Variants in REDIC1 observed in about 807,000 individuals in gnomAD.
REDIC1 encodes HEI10 Interacting Protein 1.
At chr12:39,772,673 T>A in the REDIC1 span, among the ~76,000 whole-genome samples, 16 of 152,268 alleles carry the variant, frequency 1.1e-4, no homozygotes, top group African/African-American at 3.8e-4. Context: ...GGAGGAATAC[T>A]TACAAATAAT....
At chr12:39,711,914 TAC>T in the REDIC1 span, among the ~76,000 whole-genome samples, 10 of 138,796 alleles carry the variant, frequency 7.2e-5, no homozygotes, top group Non-Finnish European at 1.4e-4. Context: ...CACATGTATA[TAC>T]ACATACATGT....
the REDIC1 span, among the ~76,000 whole-genome samples, chr12:39,902,280 T>C: frequency 1.3e-5 from 2 of 151,788 alleles, no homozygotes; most frequent in Non-Finnish European, 1.5e-5. Flanking sequence ...GCATGGCACA[T>C]GTATACATAT....
the REDIC1 span, among the ~76,000 whole-genome samples, chr12:39,674,775 G>A: frequency 7.9e-5 from 12 of 152,192 alleles, no homozygotes; most frequent in South Asian, 6.2e-4. Context: ...GCCATCCCTG[G>A]CCTTCTCTCA....
chr12:39,690,728 G>A, the REDIC1 span, among the ~76,000 whole-genome samples: 46 of 152,126 alleles, frequency 3.0e-4, no homozygotes, highest in African/African-American at 1.1e-3. Context: ...TACTATTGGA[G>A]CAAAGACCAT....
chr12:39,869,677 A>C, the REDIC1 span, among the ~76,000 whole-genome samples: 1 of 152,110 alleles, frequency 6.6e-6, no homozygotes, highest in Non-Finnish European at 1.5e-5. Context: ...TCCCCTTAAC[A>C]GTCAGGGATG....
the REDIC1 span, among the ~76,000 whole-genome samples, chr12:39,896,447 T>C: frequency 6.7e-5 from 9 of 133,604 alleles, no homozygotes; most frequent in African/African-American, 2.6e-4. Flanking sequence ...CATATATGTA[T>C]ATGTGTGTAT....
the REDIC1 span, among the ~76,000 whole-genome samples, chr12:39,695,702 G>A: frequency 2.0e-5 from 3 of 152,186 alleles, no homozygotes; most frequent in African/African-American, 7.2e-5. Context: ...GAAGGACACA[G>A]GCCTGGCTAG....
At chr12:39,897,887 T>C in the REDIC1 span, among the ~76,000 whole-genome samples, 4 of 152,142 alleles carry the variant, frequency 2.6e-5, no homozygotes, top group South Asian at 6.2e-4. Context: ...AAAAATACAA[T>C]ATATAAGACA....
the REDIC1 span, among the ~76,000 whole-genome samples, chr12:39,633,712 G>A: frequency 2.0e-5 from 3 of 152,162 alleles, no homozygotes; most frequent in Non-Finnish European, 4.4e-5. Context: ...ATCACTAGAT[G>A]ATAGGAAGGT....
chr12:39,705,027 C>G, the REDIC1 span, among the ~76,000 whole-genome samples: 2 of 151,810 alleles, frequency 1.3e-5, no homozygotes, highest in Non-Finnish European at 2.9e-5. Flanking sequence ...ACATATGTAA[C>G]TAACCTGCAC....
chr12:39,796,052 C>T, the REDIC1 span, among the ~76,000 whole-genome samples: 1 of 152,142 alleles, frequency 6.6e-6, no homozygotes, highest in Admixed American at 6.6e-5. Context: ...TCTTCTCCCC[C>T]CAGCCTCTGG....
At chr12:39,666,626 G>A in the REDIC1 span, among the ~76,000 whole-genome samples, 1 of 152,202 alleles carries the variant, frequency 6.6e-6, no homozygotes, top group Non-Finnish European at 1.5e-5. Flanking sequence ...GATTGGAATA[G>A]TTTCAGAAGA....
chr12:39,647,866 ATCT>A, the REDIC1 span: 2 of 1,608,556 alleles, frequency 1.2e-6, no homozygotes, highest in Non-Finnish European at 1.7e-6. Context: ...TCACTCCATC[ATCT>A]TTTTCAGTGG....
At chr12:39,714,012 T>C in the REDIC1 span, among the ~76,000 whole-genome samples, 2 of 75,366 alleles carry the variant, frequency 2.7e-5, no homozygotes. Flanking sequence ...TATGTGCATA[T>C]ACGTTTATAT....
At chr12:39,895,314 T>A in the REDIC1 span, among the ~76,000 whole-genome samples, 57 of 150,932 alleles carry the variant, frequency 3.8e-4, no homozygotes, top group Admixed American at 4.0e-4. Flanking sequence ...TACGGGGAAA[T>A]CCCGTCTCTA....
the REDIC1 span, among the ~76,000 whole-genome samples, chr12:39,892,328 T>G: frequency 6.6e-6 from 1 of 151,930 alleles, no homozygotes; most frequent in African/African-American, 2.4e-5. Context: ...CTGAGCTGAC[T>G]TGTGTGTGTG....
the REDIC1 span, among the ~76,000 whole-genome samples, chr12:39,865,406 A>G: frequency 6.6e-6 from 1 of 152,224 alleles, no homozygotes. Flanking sequence ...AAAATGGAGT[A>G]GCATTTTTTG....
At chr12:39,668,778 T>TTG in the REDIC1 span, among the ~76,000 whole-genome samples, 4 of 152,184 alleles carry the variant, frequency 2.6e-5, no homozygotes, top group African/African-American at 9.7e-5. Flanking sequence ...TTTTCTAAAC[T>TTG]TCTCTCTTGC....
At chr12:39,901,584 T>C in the REDIC1 span, among the ~76,000 whole-genome samples, 41 of 122,042 alleles carry the variant, frequency 3.4e-4, no homozygotes, top group African/African-American at 1.2e-3. Flanking sequence ...AAAAAACACA[T>C]GAAAAAATGC....
Sources: gnomAD v4.1 joint callset for allele counts (sites outside exome capture counted in the v4.1 genomes callset) on GRCh38, gnomAD v4.1.1 for gene constraint, MANE v1.5 for transcripts, NCBI Gene and HGNC (gene_info 2026-07-23, HGNC 2026-07-21) for gene names.